The following SEPTIN10 variants were observed in gnomAD, a reference collection of about 807,000 sequenced individuals.
SEPTIN10 encodes septin-10.
A neutral mutation model predicts 54.8 loss-of-function variants in SEPTIN10; 66 were observed. That is an observed-to-expected ratio of 1.21 (90% CI 0.99 to 1.48). SEPTIN10 has a LOEUF of 1.48. Among genes scored for constraint, SEPTIN10 ranks in the 40% most tolerant of loss-of-function variants. The pLI, the probability that SEPTIN10 is intolerant of heterozygous loss-of-function variation, is 0.00. For missense variants in SEPTIN10, 620 were observed against 545.6 expected (o/e 1.14, Z -1.36); for synonymous variants, 161 against 181.0 (o/e 0.89, Z 0.89).
At chr2:109,565,700 T>C (rs1411872769) in intron 7 of SEPTIN10, 63 bp downstream of exon 7, 5 of 1,344,486 alleles carry the variant, frequency 3.7e-6, no homozygotes, top group Non-Finnish European at 5.3e-6. Flanking sequence ...AAAGAAGGCA[T>C]GACAGGTAGC....
rs1185486244 is a variant in SEPTIN10, at chr2:109,559,911, C to CTTTT, written c.1028+4451_1028+4454dup. On this transcript the variant is annotated intron_variant, in intron 8 of 10. Coordinates refer to ENST00000397712, the MANE Select transcript of SEPTIN10 (RefSeq NM_144710.5). ...GACCTATGTAGCCTCCAACCAATGC[C>CTTTT]TTTTTTTTTTTTTTTTTTTTGTCTT... is the stretch of plus-strand genomic sequence containing the variant. 6.0e-4 allele frequency among the ~76,000 whole-genome samples: 71 copies of CTTTT among 117,546 alleles called. 2 individuals carry two copies. Among genetic ancestry groups the CTTTT allele is most frequent in the African/African-American group, 1.4e-3 (44 of 31,510 alleles). 77.1% of individuals were successfully genotyped at this position (117,546 alleles called of 152,430 possible).
At chr2:109,613,022 AAT>A in intron 1 of SEPTIN10, 1 of 512,698 alleles carries the variant, frequency 2.0e-6, no homozygotes, top group South Asian at 1.5e-5. Flanking sequence ...GAAAACCACC[AAT>A]GTTTACTATC....
chr2:109,576,529 G>A (rs1221420333), intron 4 of SEPTIN10, among the ~76,000 whole-genome samples: 1 of 152,006 alleles, frequency 6.6e-6, no homozygotes, highest in Non-Finnish European at 1.5e-5. Flanking sequence ...TTGGAAAGTG[G>A]TCTAAATGTG....
rs1432816841 is a variant in SEPTIN10 at position 109,609,298 on chromosome 2, GTCCT to G, written c.30+4496_30+4499del. Among the ~76,000 whole-genome samples the G allele has an allele frequency of 5.3e-5, 8 of 152,104 alleles. No individual in the cohort carries two copies. In the East Asian group the frequency reaches 1.5e-3, roughly 29 times the overall value. On this transcript the variant is annotated intron_variant, in intron 1 of 10. Transcript: ENST00000397712. The stretch of plus-strand genomic sequence containing the variant: ...CTTTCCATATAAAAAAATAATGCCT[GTCCT>G]CAAAGATATATGAGTATGGCTATGG...
At chr2:109,611,010 A>AGAAACAGACT (rs1699145844) in intron 1 of SEPTIN10, among the ~76,000 whole-genome samples, 1 of 152,194 alleles carries the variant, frequency 6.6e-6, no homozygotes, top group South Asian at 2.1e-4. Context: ...CGGAGAACCC[A>AGAAACAGACT]GAAACAGACT....
chr2:109,588,100 G>A (rs1208492473), intron 2 of SEPTIN10, among the ~76,000 whole-genome samples: 2 of 150,598 alleles, frequency 1.3e-5, no homozygotes, highest in Non-Finnish European at 1.5e-5. Flanking sequence ...CCTATAAAAT[G>A]CCCCCCGCCA....
At chr2:109,613,063 A>G (rs1422596950) in intron 1 of SEPTIN10, 2 of 580,930 alleles carry the variant, frequency 3.4e-6, no homozygotes, top group Non-Finnish European at 5.9e-6. Flanking sequence ...TTTGTTTTTA[A>G]GAATACACAG....
Position 109,585,858 on chromosome 2 carries a change from A to G in SEPTIN10, c.100-20T>C. On this transcript the variant is annotated intron_variant, in intron 2 of 10. Transcript: ENST00000397712. The stretch of plus-strand genomic sequence containing the variant: ...TCTTTTCTGAAGGAAAATAAAAACA[A>G]AAACAACAGCAATAAAAAAAACAAC... 6.3e-7 allele frequency: 1 copy of G among 1,591,930 alleles called. No individual in the cohort carries two copies. The highest frequency in any genetic ancestry group is 8.6e-7 in the Non-Finnish European group (1 of 1,161,038).
chr2:109,550,238 T>G lies in SEPTIN10; in HGVS notation c.1161+2849A>C, dbSNP rs374817884. ...CTGGGAGGCCAAGGTTGCGGTAAGC[T>G]GAGATTGCACCATTGTACTCCAGCC... On this transcript the variant is annotated intron_variant, in intron 9 of 10. Coordinates refer to ENST00000397712, the MANE Select transcript of SEPTIN10 (RefSeq NM_144710.5). Among the ~76,000 whole-genome samples, 451 of 151,568 alleles carry G rather than the reference T, an allele frequency of 3.0e-3. 2 individuals carry two copies. The highest frequency in any genetic ancestry group is 0.022 in the South Asian group (106 of 4,754).
chr2:109,585,016 G>A (rs560421427), intron 4 of SEPTIN10, 110 bp downstream of exon 4: 20 of 493,676 alleles, frequency 4.1e-5, no homozygotes, highest in African/African-American at 3.8e-4. Context: ...ATGTGTGGAA[G>A]GAAAGGTATG....
At chr2:109,564,648 T>C in intron 7 of SEPTIN10, 114 bp from the exon 8 acceptor site, 1 of 889,296 alleles carries the variant, frequency 1.1e-6, no homozygotes, top group Non-Finnish European at 1.6e-6. Flanking sequence ...AAATAGCAAA[T>C]GATCAGTTTG....
rs191370877 is a variant in SEPTIN10 at position 109,593,046 on chromosome 2, C to T, written c.99+5G>A. On this transcript the variant is annotated splice_donor_5th_base_variant and intron_variant, in intron 2 of 10. Transcript: ENST00000397712. ...ATATGGTATCTATTTAAAAGACATA[C>T]TCACTATCTGTTCATCATCTGATCC... is the stretch of plus-strand genomic sequence containing the variant. 7.6e-6 allele frequency: 12 copies of T among 1,574,260 alleles called. No individual in the cohort carries two copies. The highest frequency in any genetic ancestry group is 1.0e-5 in the Non-Finnish European group (12 of 1,160,708).
intron 8 of SEPTIN10, among the ~76,000 whole-genome samples, chr2:109,556,038 CTA>C (rs1354643818): frequency 3.3e-5 from 5 of 152,174 alleles, no homozygotes; most frequent in Non-Finnish European, 5.9e-5. Flanking sequence ...ATCTCTGTGA[CTA>C]TCCAGCAGAG....
chr2:109,597,451 G>A (rs1470180950), intron 1 of SEPTIN10, among the ~76,000 whole-genome samples: 3 of 152,222 alleles, frequency 2.0e-5, no homozygotes, highest in African/African-American at 7.2e-5. Context: ...CTCAACAGTA[G>A]TAAGACATGG....
At chr2:109,578,228 A>C (rs1690183649) in intron 4 of SEPTIN10, among the ~76,000 whole-genome samples, 1 of 152,204 alleles carries the variant, frequency 6.6e-6, no homozygotes, top group South Asian at 2.1e-4. Flanking sequence ...TACACGATCA[A>C]ATAAAGGGTA....
intron 9 of SEPTIN10, among the ~76,000 whole-genome samples, chr2:109,550,189 C>T (rs920822762): frequency 1.3e-5 from 2 of 151,766 alleles, no homozygotes; most frequent in Non-Finnish European, 2.9e-5. Flanking sequence ...ACTCGGGAGG[C>T]TGAGGCAGGA....
At chr2:109,572,587 C>A (rs1688656455) in intron 5 of SEPTIN10, among the ~76,000 whole-genome samples, 1 of 147,794 alleles carries the variant, frequency 6.8e-6, no homozygotes, top group Non-Finnish European at 1.5e-5. Flanking sequence ...GACAGGTAGA[C>A]TTCAGCTAAC....
rs369010819 is a variant in SEPTIN10 at position 109,605,778 on chromosome 2, A to G, written c.30+8020T>C. The G allele has an allele frequency of 3.9e-5, 6 of 152,322 alleles. No homozygotes were observed. The East Asian group carries it at 9.7e-4, about 25-fold the overall frequency. The allele number at this position is 152,322 out of a possible 1,614,324, so 9.4% of individuals were successfully genotyped here. On this transcript the variant is annotated intron_variant, in intron 1 of 10. Transcript: ENST00000397712. ...AAACTGTAAATTATAATTCTTTTCT[A>G]TACAACAGAATTTCTGTTACTATGT...
At chr2:109,560,316 G>GACCTC (rs1448693155) in intron 8 of SEPTIN10, among the ~76,000 whole-genome samples, 1 of 152,058 alleles carries the variant, frequency 6.6e-6, no homozygotes, top group Admixed American at 6.6e-5. Context: ...CATAAACCTG[G>GACCTC]ACCTCAACTT....
Sources: allele counts gnomAD v4.1 joint callset (sites outside exome capture counted in the v4.1 genomes callset), GRCh38; gene constraint gnomAD v4.1.1; transcripts MANE v1.5; gene names NCBI Gene and HGNC (gene_info 2026-07-23, HGNC 2026-07-21).